GRIP1: variants seen among roughly 807,000 people sequenced by gnomAD.
GRIP1 encodes glutamate receptor-interacting protein 1.
Under a neutral mutation model 129.9 loss-of-function variants are expected in GRIP1, and 45 were observed. The ratio of observed to expected loss-of-function variants is 0.35; its 90% confidence interval spans 0.27 to 0.44. GRIP1 has a LOEUF of 0.44. Ranked by LOEUF, GRIP1 falls within the 20% of genes least tolerant of loss-of-function variation. The pLI is 1.00. For synonymous variants in GRIP1, 530 were observed against 520.8 expected (o/e 1.02, Z -0.24); for missense variants, 1,196 against 1,396.8 (o/e 0.86, Z 2.29).
At chr12:66,999,050 A>G (rs2042511621) in intron 1 of GRIP1, among the ~76,000 whole-genome samples, 1 of 152,056 alleles carries the variant, frequency 6.6e-6, no homozygotes, top group African/African-American at 2.4e-5. Flanking sequence ...CACACCTCAC[A>G]TGCCCTCAAT....
At chr12:66,771,641 T>C (rs1053633199) in intron 1 of GRIP1, among the ~76,000 whole-genome samples, 1 of 152,338 alleles carries the variant, frequency 6.6e-6, no homozygotes, top group African/African-American at 2.4e-5. Context: ...TTAGGCTCAC[T>C]CAGATCCACA....
chr12:67,036,923 T>C (rs1018154939), intron 1 of GRIP1, among the ~76,000 whole-genome samples: 1 of 152,122 alleles, frequency 6.6e-6, no homozygotes, highest in Non-Finnish European at 1.5e-5. Flanking sequence ...CGAGAAACAT[T>C]ACATCTATTT....
Position 67,054,269 on chromosome 12 carries a change from C to T in GRIP1, c.58+14781G>A, listed in dbSNP as rs11837604. 3.9e-5 allele frequency among the ~76,000 whole-genome samples: 6 copies of T among 152,346 alleles called. No individual in the cohort carries two copies. In the East Asian group the frequency reaches 1.2e-3, roughly 29 times the overall value. ...CTTAGTAACACAACCTGAGAGATTTCATTTATTTAACAGATATTTACTAAG... is the reference window on the plus strand; with the variant it reads ...CTTAGTAACACAACCTGAGAGATTTTATTTATTTAACAGATATTTACTAAG... On this transcript the variant is annotated intron_variant, in intron 1 of 1. Coordinates refer to the GRIP1 transcript ENST00000643019.
chr12:66,882,503 A>G (rs184141915), intron 1 of GRIP1, among the ~76,000 whole-genome samples: 19 of 152,318 alleles, frequency 1.2e-4, no homozygotes, highest in African/African-American at 3.6e-4. Flanking sequence ...GATCTTGAGT[A>G]ATTGCTTAAC....
At chr12:66,879,849 C>T (rs879470245) in intron 1 of GRIP1, among the ~76,000 whole-genome samples, 18 of 152,012 alleles carry the variant, frequency 1.2e-4, no homozygotes, top group Non-Finnish European at 2.2e-4. Context: ...TACAGTATAA[C>T]TAGCACTATA....
chr12:66,660,834 G>C (rs2033454080), intron 1 of GRIP1, among the ~76,000 whole-genome samples: 1 of 152,058 alleles, frequency 6.6e-6, no homozygotes, highest in Non-Finnish European at 1.5e-5. Flanking sequence ...GCCCATTAGA[G>C]TAGTGGCTAT....
At chr12:66,553,727 C>T (rs191319241) in intron 2 of GRIP1, among the ~76,000 whole-genome samples, 3 of 151,570 alleles carry the variant, frequency 2.0e-5, no homozygotes, top group Admixed American at 6.6e-5. Context: ...TCTCATGGCA[C>T]GAAGAATTTA....
intron 2 of GRIP1, among the ~76,000 whole-genome samples, chr12:66,546,338 T>A (rs904012589): frequency 1.7e-4 from 23 of 139,018 alleles, no homozygotes; most frequent in Admixed American, 9.4e-4. Flanking sequence ...TTTTTTTTTT[T>A]AAATAGCTGG....
intron 1 of GRIP1, among the ~76,000 whole-genome samples, chr12:66,749,829 A>G (rs1409308708): frequency 1.3e-5 from 2 of 152,322 alleles, no homozygotes; most frequent in East Asian, 3.9e-4. Flanking sequence ...TCAGAGCAGC[A>G]GCATAGAAGG....
intron 16 of GRIP1, among the ~76,000 whole-genome samples, chr12:66,399,971 T>A (rs373898612): frequency 6.6e-6 from 1 of 151,980 alleles, no homozygotes; most frequent in South Asian, 2.1e-4. Context: ...CACAATGATA[T>A]ACCAAGAGAT....
At chr12:66,845,978 T>C (rs1293156777) in intron 1 of GRIP1, among the ~76,000 whole-genome samples, 1 of 152,160 alleles carries the variant, frequency 6.6e-6, no homozygotes, top group Non-Finnish European at 1.5e-5. Flanking sequence ...GGAATATTCA[T>C]CATTGTCCAA....
chr12:66,802,730 T>C (rs2038894109), intron 1 of GRIP1, among the ~76,000 whole-genome samples: 1 of 152,166 alleles, frequency 6.6e-6, no homozygotes, highest in Admixed American at 6.5e-5. Context: ...GTTCATAAGC[T>C]CCTTTTATTC....
At chr12:66,859,253 T>C (rs2040059451) in intron 1 of GRIP1, among the ~76,000 whole-genome samples, 2 of 99,086 alleles carry the variant, frequency 2.0e-5, no homozygotes, top group Non-Finnish European at 4.2e-5. Flanking sequence ...ATTCTCCACA[T>C]TTTCTGAAAA....
At chr12:66,707,401 C>T (rs542581393) in intron 1 of GRIP1, among the ~76,000 whole-genome samples, 2 of 148,172 alleles carry the variant, frequency 1.3e-5, no homozygotes, top group Non-Finnish European at 3.0e-5. Flanking sequence ...ACGTTGCTTA[C>T]ATTCAGTCTC....
At chr12:66,754,195 G>A (rs1439679891) in intron 1 of GRIP1, among the ~76,000 whole-genome samples, 3 of 152,154 alleles carry the variant, frequency 2.0e-5, no homozygotes, top group Non-Finnish European at 2.9e-5. Flanking sequence ...GAATATAGAC[G>A]ATGGATGTAT....
At chr12:66,430,282 A>T (rs2137943173) in intron 14 of GRIP1, among the ~76,000 whole-genome samples, 1 of 152,292 alleles carries the variant, frequency 6.6e-6, no homozygotes, top group Non-Finnish European at 1.5e-5. Context: ...GGAGACACAA[A>T]AGTCAGCGTG....
intron 1 of GRIP1, among the ~76,000 whole-genome samples, chr12:66,881,867 G>C (rs17247462): frequency 0.093 from 14,205 of 152,228 alleles, 759 homozygotes; most frequent in Admixed American, 0.17. Flanking sequence ...GAATGGAGCA[G>C]TTGTCACAAT....
At chr12:66,578,380 C>A (rs2063222840) in intron 2 of GRIP1, among the ~76,000 whole-genome samples, 1 of 152,052 alleles carries the variant, frequency 6.6e-6, no homozygotes, top group Non-Finnish European at 1.5e-5. Context: ...AGGTTCATCT[C>A]ACTAGGGAGT....
chr12:66,718,065 T>G (rs890145028), intron 1 of GRIP1, among the ~76,000 whole-genome samples: 3 of 152,076 alleles, frequency 2.0e-5, no homozygotes, highest in Non-Finnish European at 1.5e-5. Flanking sequence ...ACTTTGGAGA[T>G]TGCCCTTCAA....
Sources: allele counts gnomAD v4.1 joint callset (sites outside exome capture counted in the v4.1 genomes callset), GRCh38; gene constraint gnomAD v4.1.1; transcripts MANE v1.5; gene names NCBI Gene and HGNC (gene_info 2026-07-23, HGNC 2026-07-21).